PAK5: variants seen among roughly 807,000 people sequenced by gnomAD.
The protein encoded by PAK5 is serine/threonine-protein kinase PAK 5.
A neutral mutation model predicts 65.9 loss-of-function variants in PAK5; 16 were observed. The observed-to-expected ratio is 0.24, with a 90% confidence interval of 0.16 to 0.37. The LOEUF is 0.37. Ranked by LOEUF, PAK5 falls within the 10% of genes least tolerant of loss-of-function variation. The pLI is 1.00. For synonymous variants in PAK5, 371 were observed against 354.9 expected (o/e 1.05, Z -0.51); for missense variants, 785 against 903.9 (o/e 0.87, Z 1.69).
At chr20:9,790,667 A>G (rs190841220) in intron 1 of PAK5, among the ~76,000 whole-genome samples, 31 of 151,976 alleles carry the variant, frequency 2.0e-4, no homozygotes, top group African/African-American at 7.5e-4. Flanking sequence ...CACAACACCT[A>G]ATTTTTTATT....
At chr20:9,724,375 G>A (rs752922871) in intron 1 of PAK5, among the ~76,000 whole-genome samples, 44 of 152,184 alleles carry the variant, frequency 2.9e-4, no homozygotes, top group Non-Finnish European at 4.9e-4. Flanking sequence ...CTTGGTTTTC[G>A]ATATTCTCTT....
intron 1 of PAK5, among the ~76,000 whole-genome samples, chr20:9,796,090 C>T (rs2049101579): frequency 6.6e-6 from 1 of 151,978 alleles, no homozygotes; most frequent in Non-Finnish European, 1.5e-5. Flanking sequence ...CCAACAAATA[C>T]CATTTGCCAT....
At chr20:9,758,342 A>G (rs146504326) in intron 1 of PAK5, among the ~76,000 whole-genome samples, 2 of 152,190 alleles carry the variant, frequency 1.3e-5, no homozygotes, top group Non-Finnish European at 2.9e-5. Context: ...AAACATTAGC[A>G]TAGAAGGGAG....
intron 6 of PAK5, among the ~76,000 whole-genome samples, chr20:9,560,561 T>C (rs1464460462): frequency 1.3e-5 from 2 of 152,136 alleles, no homozygotes; most frequent in African/African-American, 4.8e-5. Context: ...AGGGTCTCGC[T>C]AAGTTGCCCA....
At chr20:9,557,936 T>C (rs1490650551) in intron 6 of PAK5, among the ~76,000 whole-genome samples, 3 of 152,188 alleles carry the variant, frequency 2.0e-5, no homozygotes, top group African/African-American at 4.8e-5. Context: ...AGGGACCAAA[T>C]ATAAGTCAAA....
At chr20:9,792,151 A>C (rs1157176509) in intron 1 of PAK5, among the ~76,000 whole-genome samples, 2 of 152,208 alleles carry the variant, frequency 1.3e-5, no homozygotes, top group Non-Finnish European at 2.9e-5. Context: ...GCAGATAAAT[A>C]AATAAATGAG....
chr20:9,574,441 G>C (rs2045849258), intron 4 of PAK5, among the ~76,000 whole-genome samples: 1 of 152,218 alleles, frequency 6.6e-6, no homozygotes, highest in African/African-American at 2.4e-5. Flanking sequence ...AGACAGAGCA[G>C]ATTGGTCTGA....
At chr20:9,704,546 TC>T (rs2047981699) in intron 2 of PAK5, among the ~76,000 whole-genome samples, 1 of 152,140 alleles carries the variant, frequency 6.6e-6, no homozygotes, top group Non-Finnish European at 1.5e-5. Flanking sequence ...AAATATATGA[TC>T]CCTATTGCTT....
chr20:9,640,324 T>C (rs1342199539), intron 3 of PAK5, among the ~76,000 whole-genome samples: 1 of 151,346 alleles, frequency 6.6e-6, no homozygotes, highest in Non-Finnish European at 1.5e-5. Context: ...TGGTTTTTTG[T>C]CCTTGTGATA....
chr20:9,644,119 C>T lies in PAK5; in HGVS notation c.204+6G>A, dbSNP rs752970782. 1.2e-6 allele frequency: 2 copies of T among 1,611,452 alleles called. No individual in the cohort carries two copies. Among genetic ancestry groups the T allele is most frequent in the East Asian group, 4.5e-5 (2 of 44,888 alleles). ...AGCCCAGCCAAAGATGGAGCCCTCA[C>T]CATACCTTCATAGGAGCCAGCTGGA... On this transcript the variant is annotated splice_donor_region_variant and intron_variant, in intron 3 of 9. Transcript: ENST00000353224.
chr20:9,709,147 T>A (rs1291813094), intron 2 of PAK5, among the ~76,000 whole-genome samples: 6 of 152,212 alleles, frequency 3.9e-5, no homozygotes, highest in Non-Finnish European at 1.5e-5. Context: ...TAATGATCTC[T>A]CCAGCTAATC....
At chr20:9,602,339 T>TAAAA (rs869139114) in intron 3 of PAK5, among the ~76,000 whole-genome samples, 5 of 128,052 alleles carry the variant, frequency 3.9e-5, no homozygotes, top group Non-Finnish European at 6.7e-5. Context: ...AATAAATAAA[T>TAAAA]AAAATAAACT....
At chr20:9,640,487 G>C (rs545152842) in intron 3 of PAK5, among the ~76,000 whole-genome samples, 6 of 152,168 alleles carry the variant, frequency 3.9e-5, no homozygotes, top group Non-Finnish European at 8.8e-5. Context: ...TTGGTTTCAA[G>C]TCTTTGCTAT....
At chr20:9,718,683 CA>C (rs2048179058) in intron 1 of PAK5, among the ~76,000 whole-genome samples, 2 of 152,082 alleles carry the variant, frequency 1.3e-5, no homozygotes, top group African/African-American at 4.8e-5. Context: ...ACTCAACATA[CA>C]ACATATTTTT....
chr20:9,727,254 C>T (rs1054439758), intron 1 of PAK5, among the ~76,000 whole-genome samples: 4 of 152,024 alleles, frequency 2.6e-5, no homozygotes, highest in African/African-American at 7.3e-5. Flanking sequence ...GTGTACTATA[C>T]GGTAAAGGTT....
intron 1 of PAK5, among the ~76,000 whole-genome samples, chr20:9,786,750 C>T (rs1246895108): frequency 1.3e-5 from 2 of 152,044 alleles, no homozygotes; most frequent in South Asian, 2.1e-4. Context: ...CTGTTAAAAT[C>T]GAACTCTTGG....
chr20:9,766,550 T>TATATA (rs2048771126), intron 1 of PAK5, among the ~76,000 whole-genome samples: 19 of 135,206 alleles, frequency 1.4e-4, no homozygotes, highest in Non-Finnish European at 2.5e-4. Flanking sequence ...TATATATATA[T>TATATA]TTTCAAGCAG....
Position 9,580,743 on chromosome 20 carries a change from T to C in PAK5, c.392A>G (p.Tyr131Cys). 6.2e-7 allele frequency: 1 copy of C among 1,614,040 alleles called. No homozygotes were observed. Among genetic ancestry groups the C allele is most frequent in the Non-Finnish European group, 8.5e-7 (1 of 1,179,968 alleles). The change falls in exon 4 of 10, where the codon TAT becomes TGT. Residue 131 changes from tyrosine to cysteine, a missense_variant. This residue lies in a region of PAK5 where 422 missense variants were observed against 413.3 expected (regional missense o/e 1.02). Transcript: ENST00000353224. ...EENGFITFSQ[Y>C]SSESDTTADY... ...AGCAGTAGTATCGGATTCGCTGGAA[T>C]ACTGGGAGAAGGTGATGAAGCCATT...
chr20:9,560,942 T>C (rs1429718989), intron 6 of PAK5, among the ~76,000 whole-genome samples: 6 of 152,210 alleles, frequency 3.9e-5, no homozygotes, highest in Non-Finnish European at 7.3e-5. Flanking sequence ...GGGTAGTACC[T>C]GAGATTCTGC....
Sources: gnomAD v4.1 joint callset for allele counts (sites outside exome capture counted in the v4.1 genomes callset) on GRCh38, gnomAD v4.1.1 for gene constraint, gnomAD v4.1.1 regional missense constraint, MANE v1.5 for transcripts, NCBI Gene and HGNC (gene_info 2026-07-23, HGNC 2026-07-21) for gene names.